MOCOS: variants seen among roughly 807,000 people sequenced by gnomAD.
MOCOS encodes human molybdenum cofactor sulfurase.
Under a neutral mutation model 83.6 loss-of-function variants are expected in MOCOS, and 86 were observed. The ratio of observed to expected loss-of-function variants is 1.03; its 90% CI spans 0.86 to 1.23. The LOEUF is 1.23. MOCOS is among the 50% of genes most tolerant of loss of function. The pLI is 0.00. For missense variants in MOCOS, 1,120 were observed against 1,126.9 expected (o/e 0.99, Z 0.09); for synonymous variants, 445 against 434.7 (o/e 1.02, Z -0.29).
chr18:36,215,307 A>T (rs1188903404), intron 7 of MOCOS, among the ~76,000 whole-genome samples: 1 of 152,164 alleles, frequency 6.6e-6, no homozygotes, highest in Non-Finnish European at 1.5e-5. Context: ...TATTGGTCCC[A>T]ATTTACAGTT....
intron 9 of MOCOS, among the ~76,000 whole-genome samples, chr18:36,222,412 G>A (rs1049888687): frequency 1.1e-4 from 17 of 151,934 alleles, no homozygotes; most frequent in African/African-American, 3.6e-4. Flanking sequence ...TCTTTTGTTT[G>A]TTTTCTTTTG....
chr18:36,237,636 G>C (rs941483957), intron 9 of MOCOS, among the ~76,000 whole-genome samples: 3 of 152,100 alleles, frequency 2.0e-5, no homozygotes, highest in African/African-American at 7.2e-5. Flanking sequence ...TCAGAATGAT[G>C]CTGGCCTCAT....
At chr18:36,210,874 A>AAAAAAAAAAAAAAAAAG (rs2091453034) in intron 6 of MOCOS, among the ~76,000 whole-genome samples, 1 of 125,168 alleles carries the variant, frequency 8.0e-6, no homozygotes, top group Non-Finnish European at 1.7e-5. Context: ...AAAAAAAAAA[A>AAAAAAAAAAAAAAAAAG]AAAAAAGTAA....
intron 12 of MOCOS, among the ~76,000 whole-genome samples, 183 bp from the exon 13 acceptor site, chr18:36,259,854 G>A (rs1309404961): frequency 1.3e-5 from 2 of 152,200 alleles, no homozygotes; most frequent in African/African-American, 4.8e-5. Context: ...CCTGATGCCT[G>A]TTTAGCAGAT....
intron 9 of MOCOS, among the ~76,000 whole-genome samples, chr18:36,226,301 A>G (rs1378161475): frequency 6.6e-6 from 1 of 151,992 alleles, no homozygotes; most frequent in Non-Finnish European, 1.5e-5. Flanking sequence ...ACAGTTTTTG[A>G]CTTAAAGTCC....
rs188606897 is a variant in MOCOS at position 36,248,929 on chromosome 18, G to A, written c.1968G>A (p.Glu656=). The A allele has an allele frequency of 1.2e-6, 2 of 1,613,562 alleles. No individual in the cohort carries two copies. Among genetic ancestry groups the A allele is most frequent in the South Asian group, 1.1e-5 (1 of 91,064 alleles). ...TTAACCTTTGTTCATTAGGGATGGAGCCTATAGAGGTGCCTCTTGAGGAAA... is the reference window on the plus strand; with the variant it reads ...TTAACCTTTGTTCATTAGGGATGGAACCTATAGAGGTGCCTCTTGAGGAAA... The part of the protein sequence containing the change: ...RIMVIKAKGM[E]PIEVPLEENS... The change falls in exon 10 of 15, where the codon GAG becomes GAA. Residue 656 remains glutamate (E), a synonymous_variant. Coordinates refer to ENST00000261326, the MANE Select transcript of MOCOS (RefSeq NM_017947.4).
intron 14 of MOCOS, among the ~76,000 whole-genome samples, chr18:36,267,909 T>C (rs370189782): frequency 5.9e-5 from 9 of 152,282 alleles, no homozygotes; most frequent in East Asian, 5.8e-4. Context: ...GTACAAATCA[T>C]GAGGAATTGG....
At chr18:36,253,840 GAGTCAGT>G (rs1172734823) in intron 11 of MOCOS, among the ~76,000 whole-genome samples, 1 of 152,076 alleles carries the variant, frequency 6.6e-6, no homozygotes, top group African/African-American at 2.4e-5. Context: ...TGCCACTGAG[GAGTCAGT>G]AGTCCTTTAC....
At chr18:36,205,428 TC>T in intron 6 of MOCOS, 152 bp downstream of exon 6, 2 of 792,150 alleles carry the variant, frequency 2.5e-6, no homozygotes, top group South Asian at 3.1e-5. Context: ...CGTTTTTCAG[TC>T]CTCTTTACTC....
rs368893410 is a variant in MOCOS, at chr18:36,262,250, T to TCTACACACACACACACACACACACAC, written c.2409+2075_2409+2076insCTACACACACACACACACACACACAC. ...AGCATAGCAAGACTTCGTCTCTCTC[T>TCTACACACACACACACACACACACAC]ACACACACACACACACACACACACA... On this transcript the variant is annotated intron_variant, in intron 13 of 14. Transcript: ENST00000261326. 6.3e-5 allele frequency among the ~76,000 whole-genome samples: 8 copies of TCTACACACACACACACACACACACAC among 127,906 alleles called. No homozygotes were observed. The South Asian group carries it at 8.9e-4, about 14-fold the overall frequency. The allele number at this position is 127,906 out of a possible 152,430, so 83.9% of individuals were successfully genotyped here. A position where few individuals can be genotyped will look rare whatever the true frequency, so the allele number is the denominator to read the frequency against.
chr18:36,263,845 T>C lies in MOCOS; in HGVS notation c.2410-2904T>C, dbSNP rs74573491. ...TGCTAAGAATACCAGAAAAGAAGCT[T>C]TAAAATGAAGATTTTTTAAGAAAAT... On this transcript the variant is annotated intron_variant, in intron 13 of 14. Coordinates refer to ENST00000261326, the MANE Select transcript of MOCOS (RefSeq NM_017947.4). Among the ~76,000 whole-genome samples the C allele has an allele frequency of 3.7e-3, 562 of 152,344 alleles. 5 individuals carry two copies. The highest frequency in any genetic ancestry group is 0.034 in the East Asian group (179 of 5,190).
intron 9 of MOCOS, among the ~76,000 whole-genome samples, chr18:36,238,119 G>T (rs1190958777): frequency 6.9e-6 from 1 of 145,062 alleles, no homozygotes; most frequent in African/African-American, 2.6e-5. Context: ...AGGGTTTTTT[G>T]TGTCTCTATT....
intron 9 of MOCOS, among the ~76,000 whole-genome samples, chr18:36,246,743 G>A (rs2091603634): frequency 6.6e-6 from 1 of 152,240 alleles, no homozygotes; most frequent in Non-Finnish European, 1.5e-5. Context: ...CTTCTTTGGA[G>A]CAGAGTTGTT....
At chr18:36,203,459 TGA>T (rs998405321) in intron 5 of MOCOS, among the ~76,000 whole-genome samples, 1 of 152,204 alleles carries the variant, frequency 6.6e-6, no homozygotes, top group African/African-American at 2.4e-5. Flanking sequence ...CTTCACAGAA[TGA>T]GAGGAGCATC....
rs1409001921 is a variant in MOCOS, at chr18:36,270,194, T to A, written c.*1509T>A. ...TGAACTGTTTATTAAAAACGCAACC[T>A]CTTCAAAGACTCAGCACTGCCACAT... On this transcript the variant is annotated 3_prime_UTR_variant, in exon 15 of 15. Transcript: ENST00000261326. 6.6e-6 allele frequency: 1 copy of A among 152,162 alleles called. No individual in the cohort carries two copies. Among genetic ancestry groups the A allele is most frequent in the Non-Finnish European group, 1.5e-5 (1 of 68,042 alleles). 9.4% of individuals were successfully genotyped at this position (152,162 alleles called of 1,614,324 possible). A position where few individuals can be genotyped will look rare whatever the true frequency, so the allele number is the denominator to read the frequency against.
intron 9 of MOCOS, among the ~76,000 whole-genome samples, chr18:36,244,305 G>A (rs1367507267): frequency 6.6e-6 from 1 of 151,942 alleles, no homozygotes; most frequent in Non-Finnish European, 1.5e-5. Flanking sequence ...TATCCCACAG[G>A]TTGTGATTGG....
At chr18:36,193,343 A>T (rs1318837473) in intron 1 of MOCOS, among the ~76,000 whole-genome samples, 2 of 142,698 alleles carry the variant, frequency 1.4e-5, no homozygotes, top group South Asian at 4.5e-4. Context: ...AAAAAAAAAA[A>T]AAAAAAAAAA....
chr18:36,243,237 C>T (rs897552286), intron 9 of MOCOS, among the ~76,000 whole-genome samples: 1 of 152,114 alleles, frequency 6.6e-6, no homozygotes, highest in Non-Finnish European at 1.5e-5. Flanking sequence ...AGTTTGACAT[C>T]CTCTTTACCG....
At chr18:36,228,597 A>G (rs995906897) in intron 9 of MOCOS, among the ~76,000 whole-genome samples, 1 of 152,120 alleles carries the variant, frequency 6.6e-6, no homozygotes, top group South Asian at 2.1e-4. Context: ...ACCAAATACC[A>G]CATGTTCTCA....
Sources: gnomAD v4.1 joint callset for allele counts (sites outside exome capture counted in the v4.1 genomes callset) on GRCh38, gnomAD v4.1.1 for gene constraint, MANE v1.5 for transcripts, NCBI Gene and HGNC (gene_info 2026-07-23, HGNC 2026-07-21) for gene names.